Variants in TOM1 observed in about 807,000 individuals in gnomAD.
The protein encoded by TOM1 is target of Myb protein 1.
In TOM1, 38 loss-of-function variants were observed where a neutral mutation model predicts 61.3. The observed-to-expected ratio is 0.62, with a 90% CI of 0.48 to 0.81. The LOEUF (loss-of-function observed/expected upper bound fraction) is 0.81, where lower values mean the gene tolerates loss of function less well. Ranked by LOEUF, TOM1 falls within the 40% of genes least tolerant of loss-of-function variation. The pLI, the probability that TOM1 is intolerant of heterozygous loss-of-function variation, is 0.00. For synonymous variants in TOM1, 270 were observed against 268.8 expected (o/e 1.00, Z -0.04); for missense variants, 591 against 659.6 (o/e 0.90, Z 1.14).
At chr22:35,343,113 ACC>A (rs1930052059) in intron 12 of TOM1, among the ~76,000 whole-genome samples, 1 of 100,228 alleles carries the variant, frequency 1.0e-5, no homozygotes, top group Admixed American at 1.1e-4. Context: ...CACCACACAC[ACC>A]CACACACACC....
intron 8 of TOM1, among the ~76,000 whole-genome samples, 199 bp downstream of exon 8, chr22:35,330,679 A>G (rs1928766466): frequency 6.6e-6 from 1 of 152,086 alleles, no homozygotes. Context: ...GCCGCCCTGT[A>G]TCTCCTTTCC....
intron 6 of TOM1, among the ~76,000 whole-genome samples, chr22:35,325,567 A>T (rs1928235810): frequency 6.6e-6 from 1 of 152,218 alleles, no homozygotes; most frequent in Admixed American, 6.5e-5. Context: ...TCATGTTGAA[A>T]ATCAGTCAGG....
At chr22:35,338,649 G>T (rs139259966) in intron 11 of TOM1, 64 bp from the exon 12 acceptor site, 12 of 1,381,074 alleles carry the variant, frequency 8.7e-6, no homozygotes, top group Non-Finnish European at 1.1e-5. Flanking sequence ...CCCCCAGCCC[G>T]CTCCGTTCTT....
At chr22:35,322,938 C>T in intron 3 of TOM1, 90 bp from the exon 4 acceptor site, 1 of 1,503,254 alleles carries the variant, frequency 6.7e-7, no homozygotes, top group Non-Finnish European at 9.0e-7. Flanking sequence ...GGCCTCCTCT[C>T]TGGGACACAG....
chr22:35,308,628 AC>A (rs1392412202), intron 1 of TOM1, among the ~76,000 whole-genome samples: 2 of 151,198 alleles, frequency 1.3e-5, no homozygotes, highest in Non-Finnish European at 2.9e-5. Flanking sequence ...AGCCCACTCC[AC>A]CCCTGACCAT....
intron 6 of TOM1, among the ~76,000 whole-genome samples, chr22:35,326,500 G>A (rs1928317736): frequency 6.6e-6 from 1 of 152,194 alleles, no homozygotes; most frequent in African/African-American, 2.4e-5. Flanking sequence ...CTTGGAACAA[G>A]TGCTAAATCT....
At chr22:35,309,516 C>T (rs1036726779) in intron 1 of TOM1, among the ~76,000 whole-genome samples, 2 of 151,920 alleles carry the variant, frequency 1.3e-5, no homozygotes, top group Non-Finnish European at 2.9e-5. Flanking sequence ...TGGTGGTGGG[C>T]GCCTGTAATC....
chr22:35,343,231 CA>C, intron 12 of TOM1, among the ~76,000 whole-genome samples: 1 of 144,932 alleles, frequency 6.9e-6, no homozygotes, highest in Non-Finnish European at 1.5e-5. Context: ...ACACCACACA[CA>C]CATCTACACC....
intron 1 of TOM1, among the ~76,000 whole-genome samples, chr22:35,303,275 C>CGTT (rs1926015167): frequency 6.6e-6 from 1 of 152,030 alleles, no homozygotes; most frequent in Admixed American, 6.5e-5. Flanking sequence ...CCAAGCCCGA[C>CGTT]GTTGCTCTTT....
At chr22:35,329,800 C>T (rs1004315170) in intron 7 of TOM1, among the ~76,000 whole-genome samples, 2 of 152,152 alleles carry the variant, frequency 1.3e-5, no homozygotes, top group African/African-American at 2.4e-5. Flanking sequence ...CAAGTTAAAC[C>T]GGCAGCACAG....
chr22:35,323,345 A>G lies in TOM1; in HGVS notation c.367-151A>G. The G allele has an allele frequency of 1.5e-6, 2 of 1,366,052 alleles. No individual in the cohort carries two copies. Among genetic ancestry groups the G allele is most frequent in the East Asian group, 2.3e-5 (1 of 43,500 alleles). 84.6% of individuals were successfully genotyped at this position (1,366,052 alleles called of 1,614,324 possible). On this transcript the variant is annotated intron_variant, in intron 4 of 14. Transcript: ENST00000449058. This position sits in a 1 kb window ranked among gnomAD's most constrained non-coding sequence, Gnocchi z 4.2. The stretch of plus-strand genomic sequence containing the variant: ...GTTCTGTGGGGAGGGAGGCTTGCCA[A>G]CTGCGTGCTTTGCTGTGGAGTGGGC...
chr22:35,319,887 C>T (rs568699041), intron 2 of TOM1, among the ~76,000 whole-genome samples: 10 of 152,318 alleles, frequency 6.6e-5, no homozygotes, highest in African/African-American at 2.4e-4. Flanking sequence ...CTGACCGCCT[C>T]CATAGCTCTA....
At chr22:35,336,146 T>C (rs1275764677) in intron 11 of TOM1, among the ~76,000 whole-genome samples, 2 of 152,156 alleles carry the variant, frequency 1.3e-5, no homozygotes, top group Non-Finnish European at 2.9e-5. Context: ...TGAAATGACA[T>C]CATGCACCTT....
At chr22:35,330,236 C>T (rs1185567527) in intron 7 of TOM1, 111 bp from the exon 8 acceptor site, 32 of 1,116,630 alleles carry the variant, frequency 2.9e-5, no homozygotes, top group Non-Finnish European at 2.2e-5. Context: ...GAGCCAAGAT[C>T]GCACCACTGC....
Position 35,320,960 on chromosome 22 carries a change from C to T in TOM1, c.138-999C>T, listed in dbSNP as rs1055758560. 7.9e-5 allele frequency among the ~76,000 whole-genome samples: 10 copies of T among 125,846 alleles called. 1 individual carries two copies. Among genetic ancestry groups the T allele is most frequent in the African/African-American group, 1.7e-4 (6 of 36,020 alleles). The allele number at this position is 125,846 out of a possible 152,430, so 82.6% of individuals were successfully genotyped here. ...TTGCACCACTGCACTCCAGCCTGGG[C>T]GACAGAGTGAGACTCTGTCTCAGAA... is the stretch of plus-strand genomic sequence containing the variant. On this transcript the variant is annotated intron_variant, in intron 2 of 14. Coordinates refer to ENST00000449058, the MANE Select transcript of TOM1 (RefSeq NM_005488.3).
At chr22:35,344,065 A>T (rs1441643412) in intron 12 of TOM1, 1 of 151,806 alleles carries the variant, frequency 6.6e-6, no homozygotes, top group Non-Finnish European at 1.5e-5. Context: ...ACCTACACAC[A>T]CCCCTACACA....
intron 11 of TOM1, chr22:35,336,947 T>A (rs1178197424): frequency 1.3e-5 from 2 of 151,356 alleles, no homozygotes; most frequent in Non-Finnish European, 3.0e-5. Flanking sequence ...TAGTTCTTTT[T>A]TTTTTTTTTT....
Position 35,323,966 on chromosome 22 carries a change from C to A in TOM1, c.648+52C>A, listed in dbSNP as rs560888779. ...CAGGTCCAGGCAGGTGGGCCACACA[C>A]GTCAGGGAGGGCCCCCTGTCAGAAT... On this transcript the variant is annotated intron_variant, in intron 6 of 14. Coordinates refer to ENST00000449058, the MANE Select transcript of TOM1 (RefSeq NM_005488.3). This position sits in a 1 kb window ranked among gnomAD's most constrained non-coding sequence, Gnocchi z 4.2. 2.7e-6 allele frequency: 4 copies of A among 1,504,622 alleles called. No homozygotes were observed. In the South Asian group the frequency reaches 4.1e-5, roughly 15 times the overall value. The allele number at this position is 1,504,622 out of a possible 1,614,324, so 93.2% of individuals were successfully genotyped here. A position where few individuals can be genotyped will look rare whatever the true frequency, so the allele number is the denominator to read the frequency against.
intron 1 of TOM1, among the ~76,000 whole-genome samples, chr22:35,317,074 AG>A (rs1927357808): frequency 6.6e-6 from 1 of 152,150 alleles, no homozygotes; most frequent in Non-Finnish European, 1.5e-5. Flanking sequence ...CTCTAGGAAG[AG>A]GGGGCTGGGG....
Sources: gnomAD v4.1 joint callset for allele counts (sites outside exome capture counted in the v4.1 genomes callset) on GRCh38, gnomAD v4.1.1 for gene constraint, Gnocchi (gnomAD v3.1) non-coding constraint, MANE v1.5 for transcripts, NCBI Gene and HGNC (gene_info 2026-07-23, HGNC 2026-07-21) for gene names.